Variants in OSBPL10 observed in about 807,000 individuals in gnomAD.
OSBPL10 encodes oxysterol binding protein like 10, also known as oxysterol-binding protein-related protein 10.
OSBPL10 carries 49 observed loss-of-function variants against 81.7 expected under a neutral mutation model. The observed-to-expected ratio is 0.60, with a 90% CI of 0.48 to 0.76. The LOEUF (loss-of-function observed/expected upper bound fraction) is 0.76, where lower values mean the gene tolerates loss of function less well. OSBPL10 is among the 30% of genes least tolerant of loss of function. The pLI is 0.00. For missense variants in OSBPL10, 923 were observed against 987.8 expected, an observed-to-expected ratio of 0.93 and a Z score of 0.88; for synonymous variants, 419 against 383.6, an observed-to-expected ratio of 1.09 and a Z score of -1.08.
intron 2 of OSBPL10, among the ~76,000 whole-genome samples, chr3:32,006,852 G>A (rs756973956): frequency 5.7e-4 from 87 of 152,138 alleles, no homozygotes; most frequent in African/African-American, 1.5e-3. Flanking sequence ...GAGTCTAGTC[G>A]TCCTTCTTGC....
At chr3:31,975,573 G>C (rs999532102) in intron 1 of OSBPL10, among the ~76,000 whole-genome samples, 1 of 152,180 alleles carries the variant, frequency 6.6e-6, no homozygotes, top group Admixed American at 6.5e-5. Flanking sequence ...GGCCCCCAAT[G>C]GGTGAGTTGT....
At chr3:32,057,269 A>C (rs1699719540) in intron 1 of OSBPL10, among the ~76,000 whole-genome samples, 1 of 152,172 alleles carries the variant, frequency 6.6e-6, no homozygotes, top group Non-Finnish European at 1.5e-5. Context: ...ACTTGATTTC[A>C]CTTTATAGAC....
In OSBPL10 at chr3:31,667,800, C is replaced by CA. The variant is rs985419255; in HGVS notation, c.2096+841dup. ...CTGTGTTCCAATAAAACTTTATTTACAAAATCAGCCTCAGGTTGGATTTGG... is the reference window on the plus strand; with the variant it reads ...CTGTGTTCCAATAAAACTTTATTTACAAAAATCAGCCTCAGGTTGGATTTGG... On this transcript the variant is annotated intron_variant, in intron 10 of 11. Transcript: ENST00000396556. 5.3e-5 allele frequency among the ~76,000 whole-genome samples: 8 copies of CA among 152,336 alleles called. No individual in the cohort carries two copies. In the South Asian group the frequency reaches 1.0e-3, roughly 20 times the overall value.
chr3:31,892,323 G>A (rs565508486), intron 1 of OSBPL10, among the ~76,000 whole-genome samples: 6 of 152,278 alleles, frequency 3.9e-5, no homozygotes, highest in East Asian at 1.9e-4. Context: ...ACCATGCTGC[G>A]CCTACAAGGC....
intron 5 of OSBPL10, among the ~76,000 whole-genome samples, chr3:31,739,332 AAGAG>A (rs1397670173): frequency 2.0e-5 from 3 of 152,298 alleles, no homozygotes; most frequent in South Asian, 2.1e-4. Flanking sequence ...AGAAACAAGG[AAGAG>A]AGAAAGTCTT....
chr3:31,824,474 G>A (rs898492159), intron 4 of OSBPL10, among the ~76,000 whole-genome samples: 11 of 152,140 alleles, frequency 7.2e-5, no homozygotes, highest in African/African-American at 2.7e-4. Flanking sequence ...GTTCTTCAAC[G>A]CACTGAAGGA....
chr3:31,725,750 C>T (rs976996260), intron 6 of OSBPL10, among the ~76,000 whole-genome samples: 7 of 152,160 alleles, frequency 4.6e-5, no homozygotes, highest in African/African-American at 1.7e-4. Context: ...CTGGAACTCC[C>T]GGAAGCCACA....
intron 2 of OSBPL10, chr3:31,989,875 G>C: frequency 6.2e-7 from 1 of 1,614,120 alleles, no homozygotes; most frequent in Non-Finnish European, 8.5e-7. Flanking sequence ...ATGTGGCAAG[G>C]TCTTTAATCA....
intron 3 of OSBPL10, among the ~76,000 whole-genome samples, chr3:31,858,011 T>C (rs1180351592): frequency 6.6e-6 from 1 of 151,448 alleles, no homozygotes; most frequent in Non-Finnish European, 1.5e-5. Flanking sequence ...TTTTTTTTTT[T>C]TTGAGACAAG....
chr3:31,809,643 G>A (rs949687909), intron 4 of OSBPL10, among the ~76,000 whole-genome samples: 1 of 152,180 alleles, frequency 6.6e-6, no homozygotes, highest in Non-Finnish European at 1.5e-5. Flanking sequence ...GGCTGTGCTG[G>A]CCTTACCAGA....
intron 2 of OSBPL10, among the ~76,000 whole-genome samples, chr3:32,012,707 G>T (rs548973897): frequency 6.6e-6 from 1 of 152,030 alleles, no homozygotes; most frequent in Non-Finnish European, 1.5e-5. Context: ...TATCTCACGT[G>T]CAGAGACACA....
At chr3:31,803,540 T>C (rs2125455646) in intron 4 of OSBPL10, among the ~76,000 whole-genome samples, 1 of 152,366 alleles carries the variant, frequency 6.6e-6, no homozygotes, top group South Asian at 2.1e-4. Context: ...TATGGCATTT[T>C]TGTATACCCT....
chr3:31,833,688 AAC>A (rs1445001792), intron 3 of OSBPL10, among the ~76,000 whole-genome samples: 2 of 141,536 alleles, frequency 1.4e-5, no homozygotes, highest in African/African-American at 5.7e-5. Context: ...TTGTAGGGAA[AAC>A]ACGCACACGC....
rs185143072 is a variant in OSBPL10, at chr3:31,678,643, C to A, written c.1726+4991G>T. 5.9e-5 allele frequency among the ~76,000 whole-genome samples: 9 copies of A among 152,234 alleles called. No individual in the cohort carries two copies. The East Asian group carries it at 9.7e-4, about 16-fold the overall frequency. On this transcript the variant is annotated intron_variant, in intron 8 of 11. Coordinates refer to ENST00000396556, the MANE Select transcript of OSBPL10 (RefSeq NM_017784.5). ...GGGCTCACAGACTGGGAGGTATTGACCCTCTACTCCAATTTAAGAATCTGG... is the reference window on the plus strand; with the variant it reads ...GGGCTCACAGACTGGGAGGTATTGAACCTCTACTCCAATTTAAGAATCTGG...
intron 4 of OSBPL10, among the ~76,000 whole-genome samples, chr3:31,812,743 AAAGAAAGAAAGAAAG>A (rs1559476168): frequency 2.3e-4 from 6 of 25,968 alleles, no homozygotes; most frequent in African/African-American, 7.8e-4. Flanking sequence ...AGAAAGAAAG[AAAGAAAGAAAGAAAG>A]AAAGAAAGAA....
At chr3:31,820,826 T>A (rs1419103801) in intron 4 of OSBPL10, among the ~76,000 whole-genome samples, 3 of 152,126 alleles carry the variant, frequency 2.0e-5, no homozygotes, top group Admixed American at 6.6e-5. Flanking sequence ...AAAGGCTTTT[T>A]AAACCTAATC....
At chr3:31,932,033 C>T (rs555260908) in intron 1 of OSBPL10, among the ~76,000 whole-genome samples, 18 of 151,986 alleles carry the variant, frequency 1.2e-4, no homozygotes, top group Non-Finnish European at 2.4e-4. Flanking sequence ...TACAGCGAGA[C>T]TCTGTCTCAA....
chr3:31,846,503 A>G (rs1369035593), intron 3 of OSBPL10, among the ~76,000 whole-genome samples: 1 of 151,942 alleles, frequency 6.6e-6, no homozygotes, highest in African/African-American at 2.4e-5. Context: ...GTGGGCGCCT[A>G]TAATCCCAGC....
intron 3 of OSBPL10, among the ~76,000 whole-genome samples, chr3:31,860,013 T>A (rs1320154295): frequency 6.6e-6 from 1 of 152,082 alleles, no homozygotes; most frequent in Non-Finnish European, 1.5e-5. Flanking sequence ...ATGGAGAGTA[T>A]CTTAAGAATG....
Sources: allele counts gnomAD v4.1 joint callset (sites outside exome capture counted in the v4.1 genomes callset), GRCh38; gene constraint gnomAD v4.1.1; transcripts MANE v1.5; gene names NCBI Gene and HGNC (gene_info 2026-07-23, HGNC 2026-07-21).